FILIP1: variants seen among roughly 807,000 people sequenced by gnomAD.
FILIP1 encodes filamin A interacting protein 1.
FILIP1 carries 61 observed loss-of-function variants against 102.1 expected under a neutral mutation model. That is an observed-to-expected ratio of 0.60 (90% CI 0.49 to 0.74). The LOEUF (loss-of-function observed/expected upper bound fraction) is 0.74. Ranked by LOEUF, FILIP1 falls within the 30% of genes least tolerant of loss-of-function variation. The probability of loss-of-function intolerance (pLI) is 0.00; values close to 1 mark genes in which losing one functional copy is unlikely to be tolerated. For missense variants in FILIP1, 1,314 were observed against 1,441.2 expected (o/e 0.91, Z 1.43); for synonymous variants, 491 against 526.9 (o/e 0.93, Z 0.93).
At chr6:75,317,943 C>G (rs1304506005) in intron 4 of FILIP1, among the ~76,000 whole-genome samples, 1 of 152,224 alleles carries the variant, frequency 6.6e-6, no homozygotes, top group African/African-American at 2.4e-5. Flanking sequence ...AAACTTCTTA[C>G]AGGCAAGACA....
At chr6:75,325,688 G>A (rs1052706546) in intron 4 of FILIP1, among the ~76,000 whole-genome samples, 1 of 151,866 alleles carries the variant, frequency 6.6e-6, no homozygotes, top group Non-Finnish European at 1.5e-5. Context: ...AAGCCACAAT[G>A]AGATACCATC....
chr6:75,483,100 G>T (rs1172066700), intron 1 of FILIP1, among the ~76,000 whole-genome samples: 1 of 151,842 alleles, frequency 6.6e-6, no homozygotes, highest in Admixed American at 6.6e-5. Context: ...CATTTTACTG[G>T]ACAACACACA....
At chr6:75,404,831 T>G (rs903155811) in intron 2 of FILIP1, among the ~76,000 whole-genome samples, 4 of 152,170 alleles carry the variant, frequency 2.6e-5, no homozygotes, top group African/African-American at 9.7e-5. Context: ...AAATCATACT[T>G]TTGATTCACC....
intron 4 of FILIP1, among the ~76,000 whole-genome samples, chr6:75,338,333 G>C (rs574780383): frequency 6.6e-6 from 1 of 152,290 alleles, no homozygotes; most frequent in African/African-American, 2.4e-5. Flanking sequence ...CATTGAACAT[G>C]AAAGACCCAA....
Position 75,308,454 on chromosome 6 carries a change from G to A in FILIP1, c.*237C>T. On this transcript the variant is annotated 3_prime_UTR_variant, in exon 6 of 6. Coordinates refer to ENST00000237172, the MANE Select transcript of FILIP1 (RefSeq NM_015687.5). Reference sequence around the variant, plus strand: ...GGGTCCACTTGCTAGAAGCAAAACTGGAACTAGAAACCACGCCCTGGCTTC... The same window carrying A: ...GGGTCCACTTGCTAGAAGCAAAACTAGAACTAGAAACCACGCCCTGGCTTC... 2 of 1,340,180 alleles carry A rather than the reference G, an allele frequency of 1.5e-6. No homozygotes were observed. The highest frequency in any genetic ancestry group is 1.9e-6 in the Non-Finnish European group (2 of 1,040,238). The allele number at this position is 1,340,180 out of a possible 1,614,324, so 83.0% of individuals were successfully genotyped here.
intron 2 of FILIP1, chr6:75,384,869 A>G (rs1776030988): frequency 6.8e-6 from 1 of 146,420 alleles, no homozygotes. Context: ...GTCATGGCTC[A>G]CTGCAGCTTC....
intron 4 of FILIP1, among the ~76,000 whole-genome samples, chr6:75,343,343 C>T (rs1330019706): frequency 6.6e-6 from 1 of 152,194 alleles, no homozygotes; most frequent in East Asian, 1.9e-4. Context: ...AACTAAGATA[C>T]TCTTGGACTC....
At chr6:75,309,980 C>A (rs746979529) in intron 5 of FILIP1, among the ~76,000 whole-genome samples, 6 of 152,194 alleles carry the variant, frequency 3.9e-5, no homozygotes, top group Non-Finnish European at 5.9e-5. Flanking sequence ...TGATCATCAC[C>A]CTTTCAGTGG....
At chr6:75,329,872 G>C (rs1774010613) in intron 4 of FILIP1, among the ~76,000 whole-genome samples, 2 of 151,980 alleles carry the variant, frequency 1.3e-5, no homozygotes, top group Non-Finnish European at 2.9e-5. Flanking sequence ...ATCACATCAG[G>C]GTACATGAGG....
At chr6:75,391,182 G>A (rs560100744) in intron 2 of FILIP1, among the ~76,000 whole-genome samples, 78 of 151,690 alleles carry the variant, frequency 5.1e-4, no homozygotes, top group Non-Finnish European at 9.1e-4. Flanking sequence ...CCTTCCATGC[G>A]CTCATTTTCC....
intron 1 of FILIP1, among the ~76,000 whole-genome samples, chr6:75,433,616 T>C (rs1334807074): frequency 6.6e-6 from 1 of 152,346 alleles, no homozygotes; most frequent in Non-Finnish European, 1.5e-5. Flanking sequence ...TCTCCCATTC[T>C]ATAGGTTGCC....
intron 1 of FILIP1, among the ~76,000 whole-genome samples, chr6:75,429,210 A>G (rs1340737124): frequency 6.6e-6 from 1 of 152,190 alleles, no homozygotes; most frequent in Admixed American, 6.5e-5. Context: ...CTACTCTGCC[A>G]GCATCACTGT....
At chr6:75,411,194 T>C (rs1015979594) in intron 2 of FILIP1, among the ~76,000 whole-genome samples, 1 of 152,272 alleles carries the variant, frequency 6.6e-6, no homozygotes, top group African/African-American at 2.4e-5. Flanking sequence ...ATTTATCATA[T>C]GTTTGTTGGC....
intron 1 of FILIP1, among the ~76,000 whole-genome samples, chr6:75,439,853 A>T (rs182684719): frequency 2.0e-5 from 3 of 152,350 alleles, no homozygotes; most frequent in Admixed American, 6.5e-5. Flanking sequence ...GTAATTCTCA[A>T]TTAAAGAGGG....
chr6:75,468,209 C>T (rs546308202), intron 1 of FILIP1, among the ~76,000 whole-genome samples: 4 of 152,192 alleles, frequency 2.6e-5, no homozygotes, highest in Admixed American at 6.5e-5. Flanking sequence ...AGCAGCCTGC[C>T]GGAGCACATA....
intron 1 of FILIP1, among the ~76,000 whole-genome samples, chr6:75,486,892 C>CCAT (rs1226134771): frequency 6.6e-6 from 1 of 151,684 alleles, no homozygotes; most frequent in Non-Finnish European, 1.5e-5. Context: ...TTACATGTAG[C>CCAT]CATTATTATT....
intron 1 of FILIP1, among the ~76,000 whole-genome samples, chr6:75,469,371 A>C (rs773524158): frequency 1.3e-5 from 2 of 152,078 alleles, no homozygotes; most frequent in Non-Finnish European, 2.9e-5. Flanking sequence ...TACAATTTAT[A>C]ATTTTTACAC....
intron 1 of FILIP1, among the ~76,000 whole-genome samples, chr6:75,433,553 T>C (rs1395210875): frequency 2.0e-5 from 3 of 152,198 alleles, no homozygotes; most frequent in African/African-American, 7.2e-5. Context: ...GTTTAAGTTC[T>C]TTTTAGATTC....
chr6:75,459,444 T>C (rs1178386261), intron 1 of FILIP1, among the ~76,000 whole-genome samples: 3 of 152,144 alleles, frequency 2.0e-5, no homozygotes, highest in South Asian at 4.1e-4. Context: ...AACATAAAAA[T>C]GAATTTAGAA....
Sources: allele counts gnomAD v4.1 joint callset (sites outside exome capture counted in the v4.1 genomes callset), GRCh38; gene constraint gnomAD v4.1.1; transcripts MANE v1.5; gene names NCBI Gene and HGNC (gene_info 2026-07-23, HGNC 2026-07-21).